The following IL15 variants were observed in gnomAD, a reference collection of about 807,000 sequenced individuals.
IL15 encodes the protein interleukin 15.
In IL15, 11 loss-of-function variants were observed where a neutral mutation model predicts 19.6. That is an observed-to-expected ratio of 0.56 (90% CI 0.35 to 0.93). The LOEUF is 0.93. IL15 is among the 40% of genes least tolerant of loss of function. IL15 has a pLI of 0.01. For missense variants in IL15, 197 were observed against 186.5 expected, an observed-to-expected ratio of 1.06 and a Z score of -0.33; for synonymous variants, 58 against 59.6, an observed-to-expected ratio of 0.97 and a Z score of 0.12.
At chr4:141,728,554 A>G (rs1050574445) in intron 6 of IL15, among the ~76,000 whole-genome samples, 1 of 152,116 alleles carries the variant, frequency 6.6e-6, no homozygotes, top group Non-Finnish European at 1.5e-5. Context: ...GGAATGTAGG[A>G]TTTGTCATGT....
At chr4:141,687,944 C>A (rs775996788) in intron 2 of IL15, among the ~76,000 whole-genome samples, 2 of 152,134 alleles carry the variant, frequency 1.3e-5, no homozygotes, top group Non-Finnish European at 2.9e-5. Flanking sequence ...GTCCCTAGAT[C>A]CTTTCAGAGA....
Position 141,676,289 on chromosome 4 carries a change from A to G in IL15, c.-100+19982A>G, listed in dbSNP as rs193114888. On this transcript the variant is annotated intron_variant, in intron 2 of 7. Transcript: ENST00000320650. ...AGGGAAAAGATAAACACCAGCTGCC[A>G]GTCTTTTGCTTTTACAAGACAACCT... Among the ~76,000 whole-genome samples the G allele has an allele frequency of 1.4e-3, 209 of 152,330 alleles. 1 individual carries two copies. The highest frequency in any genetic ancestry group is 4.7e-3 in the African/African-American group (196 of 41,580).
chr4:141,639,322 C>T (rs1053428308), intron 1 of IL15, among the ~76,000 whole-genome samples: 5 of 151,900 alleles, frequency 3.3e-5, no homozygotes, highest in East Asian at 1.9e-4. Context: ...GGTAGAATGC[C>T]GGTTTTAAAG....
chr4:141,701,204 A>G (rs775826076), intron 2 of IL15, among the ~76,000 whole-genome samples: 1 of 151,938 alleles, frequency 6.6e-6, no homozygotes, highest in South Asian at 2.1e-4. Context: ...TCATATTACC[A>G]GAATTACTTT....
chr4:141,703,652 A>G (rs1263905125), intron 2 of IL15, among the ~76,000 whole-genome samples: 3 of 150,244 alleles, frequency 2.0e-5, no homozygotes, highest in Non-Finnish European at 4.4e-5. Context: ...GCTGCAGCCT[A>G]TCACTTCTTT....
intron 1 of IL15, among the ~76,000 whole-genome samples, chr4:141,654,362 T>C (rs1316888991): frequency 6.6e-6 from 1 of 152,232 alleles, no homozygotes; most frequent in Non-Finnish European, 1.5e-5. Context: ...GGCTCAGCTA[T>C]GAGCTGTCAG....
intron 4 of IL15, 158 bp downstream of exon 4, chr4:141,720,724 T>C: frequency 1.5e-6 from 1 of 645,612 alleles, no homozygotes; most frequent in East Asian, 2.8e-5. Flanking sequence ...TTTAGAGAGG[T>C]TTGGTAAACA....
At chr4:141,700,226 A>G (rs191094336) in intron 2 of IL15, among the ~76,000 whole-genome samples, 3 of 152,180 alleles carry the variant, frequency 2.0e-5, no homozygotes, top group Non-Finnish European at 4.4e-5. Context: ...GCTGAGATTT[A>G]TTCTTTAAGG....
At chr4:141,649,907 C>A (rs946712149) in intron 1 of IL15, among the ~76,000 whole-genome samples, 3 of 152,038 alleles carry the variant, frequency 2.0e-5, no homozygotes, top group Non-Finnish European at 4.4e-5. Context: ...TATGAAAAAT[C>A]TATAGTAAAC....
intron 1 of IL15, among the ~76,000 whole-genome samples, chr4:141,637,681 A>G (rs1726904048): frequency 6.6e-6 from 1 of 152,202 alleles, no homozygotes; most frequent in Non-Finnish European, 1.5e-5. Context: ...ACTAATTCTT[A>G]AATGATGCTT....
At chr4:141,651,181 A>G (rs534801128) in intron 1 of IL15, among the ~76,000 whole-genome samples, 62 of 152,014 alleles carry the variant, frequency 4.1e-4, no homozygotes, top group African/African-American at 1.4e-3. Flanking sequence ...ATATACACAC[A>G]CACCATCTAT....
At chr4:141,684,501 C>T (rs750634086) in intron 2 of IL15, among the ~76,000 whole-genome samples, 2 of 152,168 alleles carry the variant, frequency 1.3e-5, no homozygotes, top group South Asian at 2.1e-4. Flanking sequence ...CAGATTCCTC[C>T]GTTTGGCTTT....
rs1343236036 is a variant in IL15, at chr4:141,702,288, TC to T, written c.-99-17077del. ...TCTCCCTTCCCCTAAAAATGGGACT[TC>T]TTGAGAGCTGTACTGCAGTGATTAC... On this transcript the variant is annotated intron_variant, in intron 2 of 7. Transcript: ENST00000320650. Among the ~76,000 whole-genome samples, 5 of 152,288 alleles carry T rather than the reference TC, an allele frequency of 3.3e-5. No homozygotes were observed. The South Asian group carries it at 6.2e-4, about 19-fold the overall frequency.
At chr4:141,696,439 G>A (rs1473264351) in intron 2 of IL15, among the ~76,000 whole-genome samples, 2 of 152,010 alleles carry the variant, frequency 1.3e-5, no homozygotes, top group South Asian at 2.1e-4. Flanking sequence ...ATGAATTTTA[G>A]AATTTCTTTT....
At chr4:141,662,659 C>A (rs1017200828) in intron 2 of IL15, among the ~76,000 whole-genome samples, 1 of 152,030 alleles carries the variant, frequency 6.6e-6, no homozygotes, top group Non-Finnish European at 1.5e-5. Context: ...GTATTTAGTT[C>A]ATTTTTATTT....
At chr4:141,726,256 G>A (rs185351481) in intron 5 of IL15, among the ~76,000 whole-genome samples, 60 of 152,106 alleles carry the variant, frequency 3.9e-4, no homozygotes, top group African/African-American at 1.1e-3. Context: ...TAAATAAAAG[G>A]CACACAGATT....
chr4:141,720,303 A>C (rs1484103180), intron 3 of IL15, among the ~76,000 whole-genome samples, 166 bp from the exon 4 acceptor site: 1 of 152,122 alleles, frequency 6.6e-6, no homozygotes, highest in East Asian at 1.9e-4. Context: ...GTGGGAGAGA[A>C]AGTGAAAAAA....
chr4:141,669,020 A>G (rs1184977759), intron 2 of IL15, among the ~76,000 whole-genome samples: 2 of 152,182 alleles, frequency 1.3e-5, no homozygotes, highest in Admixed American at 1.3e-4. Flanking sequence ...CTTAATGGCA[A>G]TCTGTTACAA....
intron 2 of IL15, among the ~76,000 whole-genome samples, chr4:141,702,874 G>A (rs1729366740): frequency 6.6e-6 from 1 of 152,170 alleles, no homozygotes; most frequent in Non-Finnish European, 1.5e-5. Context: ...ATATCACCAG[G>A]TGAGGGCAGG....
Sources: allele counts gnomAD v4.1 joint callset (sites outside exome capture counted in the v4.1 genomes callset), GRCh38; gene constraint gnomAD v4.1.1; transcripts MANE v1.5; gene names NCBI Gene and HGNC (gene_info 2026-07-23, HGNC 2026-07-21).